Variants in NTN1 observed in about 807,000 individuals in gnomAD.
NTN1 encodes netrin 1.
In NTN1, 11 loss-of-function variants were observed where a neutral mutation model predicts 54.2. The observed-to-expected ratio is 0.20, with a 90% CI of 0.13 to 0.34. The LOEUF is 0.34. NTN1 is among the 10% of genes least tolerant of loss of function. NTN1 has a pLI of 1.00. For synonymous variants in NTN1, 371 were observed against 382.0 expected (o/e 0.97, Z 0.33); for missense variants, 740 against 893.1 (o/e 0.83, Z 2.18).
chr17:9,237,222 G>GT (rs1157974302), intron 6 of NTN1, among the ~76,000 whole-genome samples: 2 of 152,134 alleles, frequency 1.3e-5, no homozygotes, highest in Non-Finnish European at 1.5e-5. Context: ...TGTCGGTAGG[G>GT]TTGCTTTCCT....
At chr17:9,098,337 G>C (rs1272521186) in intron 2 of NTN1, among the ~76,000 whole-genome samples, 3 of 152,220 alleles carry the variant, frequency 2.0e-5, no homozygotes, top group Non-Finnish European at 4.4e-5. Flanking sequence ...CTGCAGCCAG[G>C]TGTCCTGGGA....
intron 4 of NTN1, among the ~76,000 whole-genome samples, chr17:9,182,256 T>C (rs913526488): frequency 3.3e-5 from 5 of 152,162 alleles, no homozygotes; most frequent in Admixed American, 6.5e-5. Context: ...CGTGTTGGGA[T>C]GACAGATGTG....
chr17:9,067,266 CAA>C (rs34250366), intron 2 of NTN1, among the ~76,000 whole-genome samples: 21 of 141,562 alleles, frequency 1.5e-4, no homozygotes, highest in African/African-American at 3.4e-4. Flanking sequence ...GACCCTGTCT[CAA>C]AAAAAAAAAA....
intron 2 of NTN1, among the ~76,000 whole-genome samples, chr17:9,071,661 G>A (rs1014364522): frequency 1.3e-5 from 2 of 152,226 alleles, no homozygotes; most frequent in Non-Finnish European, 2.9e-5. Context: ...CCCATGGGCG[G>A]GAGACCCTGC....
In NTN1 at chr17:9,077,427, A is replaced by T. The variant is rs573752447; in HGVS notation, c.1018+54036A>T. 2.6e-5 allele frequency among the ~76,000 whole-genome samples: 4 copies of T among 152,210 alleles called. No homozygotes were observed. The South Asian group carries it at 8.3e-4, about 32-fold the overall frequency. On this transcript the variant is annotated intron_variant, in intron 2 of 6. Coordinates refer to ENST00000173229, the MANE Select transcript of NTN1 (RefSeq NM_004822.3). ...TGAGAATCAAAAGCCTTGGCTACCA[A>T]TCCAGGCCATATACCATCAGCTCAT... is the stretch of plus-strand genomic sequence containing the variant.
chr17:9,051,936 CT>C (rs1300115935), intron 2 of NTN1, among the ~76,000 whole-genome samples: 4 of 151,644 alleles, frequency 2.6e-5, no homozygotes, highest in Non-Finnish European at 5.9e-5. Context: ...CCAGTTGAGT[CT>C]CCCATGTGAC....
rs1279508055 is a variant in NTN1, at chr17:9,022,823, G to C, written c.450G>C (p.Gln150His). The part of the protein sequence containing the change: ...KKFEVTYVSL[Q>H]FCSPRPESMA... Reference sequence around the variant, plus strand: ...TCGAAGTGACCTACGTGAGCCTGCAGTTCTGCTCGCCGCGGCCCGAGTCCA... The same window carrying C: ...TCGAAGTGACCTACGTGAGCCTGCACTTCTGCTCGCCGCGGCCCGAGTCCA... The change falls in exon 2 of 7, where the codon CAG becomes CAC. Residue 150 changes from glutamine to histidine, a missense_variant. Transcript: ENST00000173229. The C allele has an allele frequency of 6.2e-7, 1 of 1,611,612 alleles. No homozygotes were observed. The highest frequency in any genetic ancestry group is 1.3e-5 in the African/African-American group (1 of 74,860).
At chr17:9,029,977 C>T (rs975518343) in intron 2 of NTN1, among the ~76,000 whole-genome samples, 10 of 143,784 alleles carry the variant, frequency 7.0e-5, no homozygotes, top group East Asian at 4.2e-4. Context: ...GGCAACAGAG[C>T]GAAACTCCGT....
intron 2 of NTN1, among the ~76,000 whole-genome samples, chr17:9,125,057 T>A (rs554623189): frequency 6.6e-6 from 1 of 152,268 alleles, no homozygotes; most frequent in Non-Finnish European, 1.5e-5. Flanking sequence ...CATGAGGGCC[T>A]TTTATCCACC....
At chr17:9,166,889 T>A (rs181018909) in intron 3 of NTN1, among the ~76,000 whole-genome samples, 27 of 152,250 alleles carry the variant, frequency 1.8e-4, no homozygotes, top group African/African-American at 5.8e-4. Context: ...CTGGACCTTG[T>A]CCAGTGTAGA....
intron 6 of NTN1, among the ~76,000 whole-genome samples, chr17:9,232,569 T>C (rs937312666): frequency 3.9e-5 from 6 of 152,266 alleles, no homozygotes; most frequent in Middle Eastern, 3.4e-3. Flanking sequence ...CAGCTCTACG[T>C]TGGGTGTCCT....
intron 6 of NTN1, among the ~76,000 whole-genome samples, chr17:9,232,895 A>G (rs1204727429): frequency 6.6e-6 from 1 of 152,134 alleles, no homozygotes; most frequent in African/African-American, 2.4e-5. Context: ...ATTTCAGGAA[A>G]GCAGCTGCAG....
chr17:9,202,027 A>AACACACAC (rs1401216049), intron 5 of NTN1, among the ~76,000 whole-genome samples: 1 of 54,800 alleles, frequency 1.8e-5, no homozygotes, highest in Non-Finnish European at 3.9e-5. Flanking sequence ...CTCTACTAAA[A>AACACACAC]ATACACACAC....
intron 2 of NTN1, among the ~76,000 whole-genome samples, chr17:9,047,015 CTGTT>C (rs1345501726): frequency 2.0e-5 from 3 of 152,214 alleles, no homozygotes; most frequent in African/African-American, 7.2e-5. Flanking sequence ...ATACTGTAGT[CTGTT>C]AAGTGTACAG....
intron 2 of NTN1, among the ~76,000 whole-genome samples, chr17:9,034,431 CT>C (rs34134457): frequency 0.76 from 109,876 of 145,308 alleles, 42,028 homozygotes; most frequent in East Asian, 1. Context: ...TTTTCTTTTT[CT>C]TTTTTTTTAA....
At chr17:9,053,948 T>G (rs1286085678) in intron 2 of NTN1, among the ~76,000 whole-genome samples, 1 of 152,164 alleles carries the variant, frequency 6.6e-6, no homozygotes, top group Non-Finnish European at 1.5e-5. Context: ...TCCCCCTCAC[T>G]CAAGGACATG....
Position 9,240,006 on chromosome 17 carries a change from G to GGCGGGGCCGA in NTN1, c.*42_*51dup, listed in dbSNP as rs1365665044. 1.5e-6 allele frequency: 2 copies of GGCGGGGCCGA among 1,297,306 alleles called. No individual in the cohort carries two copies. The highest frequency in any genetic ancestry group is 3.1e-5 in the African/African-American group (2 of 64,850). The allele number at this position is 1,297,306 out of a possible 1,614,324, so 80.4% of individuals were successfully genotyped here. A position where few individuals can be genotyped will look rare whatever the true frequency, so the allele number is the denominator to read the frequency against. On this transcript the variant is annotated 3_prime_UTR_variant, in exon 7 of 7. Transcript: ENST00000173229. ...GGGCGGGCGGGCGGGCGGGCGCCAG[G>GGCGGGGCCGA]GCGGGGCCGAGCGAGAGCGGGCGCC...
chr17:9,221,160 C>CCCCCCCCCCA lies in NTN1; in HGVS notation c.1412-6_1412-5insCCCCCCCACC. 6.3e-7 allele frequency: 1 copy of CCCCCCCCCCA among 1,586,840 alleles called. No individual in the cohort carries two copies. Among genetic ancestry groups the CCCCCCCCCCA allele is most frequent in the Non-Finnish European group, 8.6e-7 (1 of 1,156,378 alleles). On this transcript the variant is annotated splice_polypyrimidine_tract_variant and splice_region_variant and intron_variant, in intron 5 of 6. Coordinates refer to ENST00000173229, the MANE Select transcript of NTN1 (RefSeq NM_004822.3). This position sits in a 1 kb window ranked among gnomAD's most constrained non-coding sequence, Gnocchi z 4.5. Reference sequence around the variant, plus strand: ...TTTTGTCTGTGCTCCCCCCCCACCCCCCTGCAGACTGCGATTCCTACTGCA... The same window carrying CCCCCCCCCCA: ...TTTTGTCTGTGCTCCCCCCCCACCCCCCCCCCCCCACCTGCAGACTGCGATTCCTACTGCA...
intron 2 of NTN1, among the ~76,000 whole-genome samples, chr17:9,056,430 T>G (rs2091979741): frequency 6.6e-6 from 1 of 152,172 alleles, no homozygotes; most frequent in African/African-American, 2.4e-5. Context: ...GATTTAATTT[T>G]GAGGTCTATG....
Sources: gnomAD v4.1 joint callset for allele counts (sites outside exome capture counted in the v4.1 genomes callset) on GRCh38, gnomAD v4.1.1 for gene constraint, Gnocchi (gnomAD v3.1) non-coding constraint, MANE v1.5 for transcripts, NCBI Gene and HGNC (gene_info 2026-07-23, HGNC 2026-07-21) for gene names.